Variants in NRG3 observed in about 807,000 individuals in gnomAD.
The protein encoded by NRG3 is neuregulin 3.
In NRG3, 31 loss-of-function variants were observed where a neutral mutation model predicts 66.9. That is an observed-to-expected ratio of 0.46 (90% CI 0.35 to 0.63). The LOEUF (loss-of-function observed/expected upper bound fraction) is 0.63. Among genes scored for constraint, NRG3 ranks in the 20% least tolerant of loss-of-function variants. NRG3 has a pLI of 0.00. For missense variants in NRG3, 910 were observed against 878.9 expected (o/e 1.04, Z -0.45); for synonymous variants, 393 against 359.4 (o/e 1.09, Z -1.06).
chr10:81,978,490 A>AT (rs1048690104), intron 1 of NRG3, among the ~76,000 whole-genome samples: 21 of 151,528 alleles, frequency 1.4e-4, no homozygotes, highest in African/African-American at 4.4e-4. Flanking sequence ...AACAGGGCAA[A>AT]TTTTTTTTTC....
At chr10:81,989,036 A>T (rs1267654498) in intron 1 of NRG3, among the ~76,000 whole-genome samples, 1 of 152,194 alleles carries the variant, frequency 6.6e-6, no homozygotes, top group African/African-American at 2.4e-5. Flanking sequence ...CAGAAATGAA[A>T]TTACACTCTC....
At chr10:82,164,095 A>G (rs1016678686) in intron 1 of NRG3, among the ~76,000 whole-genome samples, 6 of 151,690 alleles carry the variant, frequency 4.0e-5, no homozygotes, top group African/African-American at 1.5e-4. Context: ...TAATTTTTGC[A>G]TTTTTATTAG....
chr10:82,699,594 A>G (rs549603229), intron 2 of NRG3, among the ~76,000 whole-genome samples: 1 of 151,978 alleles, frequency 6.6e-6, no homozygotes, highest in South Asian at 2.1e-4. Flanking sequence ...TCTAATACTT[A>G]TTATAGCAAA....
At chr10:82,629,227 G>A (rs1416799535) in intron 2 of NRG3, among the ~76,000 whole-genome samples, 1 of 151,764 alleles carries the variant, frequency 6.6e-6, no homozygotes, top group Non-Finnish European at 1.5e-5. Context: ...TCCAAAACAG[G>A]GACTATGAAA....
intron 2 of NRG3, among the ~76,000 whole-genome samples, chr10:82,493,161 A>G (rs563085397): frequency 6.6e-6 from 1 of 151,748 alleles, no homozygotes; most frequent in South Asian, 2.1e-4. Flanking sequence ...CATGTCTAGG[A>G]TGTGCAGGTT....
chr10:82,185,696 G>T (rs2073760290), intron 1 of NRG3, among the ~76,000 whole-genome samples: 1 of 152,176 alleles, frequency 6.6e-6, no homozygotes, highest in Non-Finnish European at 1.5e-5. Flanking sequence ...TGCAGAAGCA[G>T]AAACCTAGGG....
At chr10:82,289,519 T>C (rs1203221378) in intron 1 of NRG3, among the ~76,000 whole-genome samples, 1 of 152,238 alleles carries the variant, frequency 6.6e-6, no homozygotes, top group Non-Finnish European at 1.5e-5. Flanking sequence ...TTTATCCTTA[T>C]AATAACTTGT....
chr10:82,062,246 A>G (rs896265316), intron 1 of NRG3, among the ~76,000 whole-genome samples: 4 of 152,120 alleles, frequency 2.6e-5, no homozygotes, highest in African/African-American at 9.7e-5. Context: ...CACAGTCTTC[A>G]GTCTCCTCTG....
chr10:82,895,613 C>G (rs1468483327), intron 4 of NRG3, among the ~76,000 whole-genome samples: 1 of 151,802 alleles, frequency 6.6e-6, no homozygotes, highest in Non-Finnish European at 1.5e-5. Flanking sequence ...GCCTCAGCCT[C>G]CCGAGCAGCT....
chr10:82,664,238 A>G (rs941860130), intron 2 of NRG3, among the ~76,000 whole-genome samples: 3 of 152,172 alleles, frequency 2.0e-5, no homozygotes, highest in East Asian at 1.9e-4. Context: ...TAATACTGCC[A>G]TACAATTTCT....
At chr10:82,431,680 A>G (rs2089815688) in intron 2 of NRG3, among the ~76,000 whole-genome samples, 1 of 152,146 alleles carries the variant, frequency 6.6e-6, no homozygotes, top group African/African-American at 2.4e-5. Flanking sequence ...TTTTTGGCCT[A>G]CTCACAAATA....
intron 1 of NRG3, among the ~76,000 whole-genome samples, chr10:82,017,744 G>A (rs2132703298): frequency 6.6e-6 from 1 of 152,318 alleles, no homozygotes; most frequent in African/African-American, 2.4e-5. Flanking sequence ...CTTCTTTTGA[G>A]AAGTGTCTGT....
chr10:81,878,054 T>G (rs1841842329), intron 1 of NRG3: 1 of 1,537,300 alleles, frequency 6.5e-7, no homozygotes, highest in Admixed American at 2.0e-5. Flanking sequence ...TCAATTGATT[T>G]CCTTGTGTAC....
At chr10:82,871,993 T>C (rs1364173364) in intron 4 of NRG3, among the ~76,000 whole-genome samples, 1 of 152,122 alleles carries the variant, frequency 6.6e-6, no homozygotes, top group African/African-American at 2.4e-5. Flanking sequence ...GTTCATAATC[T>C]TAATGAGAAA....
intron 3 of NRG3, among the ~76,000 whole-genome samples, chr10:82,767,591 G>A (rs1189120462): frequency 1.3e-5 from 2 of 151,598 alleles, no homozygotes; most frequent in East Asian, 1.9e-4. Context: ...ATTTCTCTTG[G>A]TTGGCTATTG....
intron 1 of NRG3, among the ~76,000 whole-genome samples, chr10:82,057,315 A>G (rs968934066): frequency 5.5e-5 from 2 of 36,630 alleles, no homozygotes; most frequent in Non-Finnish European, 2.6e-4. Flanking sequence ...CCTAACTCCT[A>G]CTCCAATTTC....
At chr10:82,541,195 T>C (rs2043515605) in intron 2 of NRG3, among the ~76,000 whole-genome samples, 1 of 152,092 alleles carries the variant, frequency 6.6e-6, no homozygotes, top group Admixed American at 6.5e-5. Flanking sequence ...TACTTATTGG[T>C]AGATATAAAT....
intron 2 of NRG3, among the ~76,000 whole-genome samples, chr10:82,705,189 G>T (rs2056193521): frequency 6.6e-6 from 1 of 152,132 alleles, no homozygotes; most frequent in Admixed American, 6.6e-5. Context: ...GTGATCAACA[G>T]ATACAAGACA....
At chr10:82,879,771 C>T (rs1420936822) in intron 4 of NRG3, among the ~76,000 whole-genome samples, 1 of 151,984 alleles carries the variant, frequency 6.6e-6, no homozygotes, top group Non-Finnish European at 1.5e-5. Context: ...CCACCATGCC[C>T]GGCCTAATGA....
Sources: allele counts gnomAD v4.1 joint callset (sites outside exome capture counted in the v4.1 genomes callset), GRCh38; gene constraint gnomAD v4.1.1; transcripts MANE v1.5; gene names NCBI Gene and HGNC (gene_info 2026-07-23, HGNC 2026-07-21).